Variants in TIMM9 observed in about 807,000 individuals in gnomAD.
The protein encoded by TIMM9 is mitochondrial import inner membrane translocase subunit Tim9.
TIMM9 carries 10 observed loss-of-function variants against 13.4 expected under a neutral mutation model. The ratio of observed to expected loss-of-function variants is 0.75; its 90% confidence interval spans 0.46 to 1.26. The LOEUF is 1.26. Among genes scored for constraint, TIMM9 ranks in the 50% most tolerant of loss-of-function variants. The pLI, the probability that TIMM9 is intolerant of heterozygous loss-of-function variation, is 0.00. For synonymous variants in TIMM9, 32 were observed against 32.1 expected, an observed-to-expected ratio of 1.00 and a Z score of 0.01; for missense variants, 87 against 100.8, an observed-to-expected ratio of 0.86 and a Z score of 0.58.
chr14:58,409,755 T>G (rs2036151622), intron 5 of TIMM9, among the ~76,000 whole-genome samples: 1 of 151,930 alleles, frequency 6.6e-6, no homozygotes, highest in Admixed American at 6.6e-5. Flanking sequence ...ATTTTTTGTA[T>G]TTTTAGTAGA....
Position 58,417,555 on chromosome 14 carries a change from AGAGGGAAAGGAGCGTGGGAGG to A in TIMM9, c.-26-5605_-26-5585del, listed in dbSNP as rs1412775861. Among the ~76,000 whole-genome samples, 93 of 114,908 alleles carry A rather than the reference AGAGGGAAAGGAGCGTGGGAGG, an allele frequency of 8.1e-4. 2 individuals are homozygous for A. In the East Asian group the frequency reaches 0.016, roughly 20 times the overall value. The allele number at this position is 114,908 out of a possible 152,430, so 75.4% of individuals were successfully genotyped here. ...TAAGGAAGGAAGAAAGGGGAGGGAGAGAGGGAAAGGAGCGTGGGAGGGAGGGAAAGGAGCGTGGGAGGGAGG... is the reference window on the plus strand; with the variant it reads ...TAAGGAAGGAAGAAAGGGGAGGGAGAGAGGGAAAGGAGCGTGGGAGGGAGG... On this transcript the variant is annotated intron_variant, in intron 3 of 5. Coordinates refer to ENST00000395159, the MANE Select transcript of TIMM9 (RefSeq NM_012460.4).
At chr14:58,421,719 A>G (rs181200967) in intron 3 of TIMM9, among the ~76,000 whole-genome samples, 176 of 152,348 alleles carry the variant, frequency 1.2e-3, no homozygotes, top group African/African-American at 4.0e-3. Context: ...GTCTGAAAAG[A>G]TCTAAGAACT....
At chr14:58,410,423 A>T (rs994289714) in intron 5 of TIMM9, among the ~76,000 whole-genome samples, 3 of 152,148 alleles carry the variant, frequency 2.0e-5, no homozygotes, top group African/African-American at 7.2e-5. Context: ...GTCTTAAAAA[A>T]ATAGTTAAGA....
intron 3 of TIMM9, among the ~76,000 whole-genome samples, chr14:58,412,901 AAATAAT>A (rs1010906134): frequency 6.6e-6 from 1 of 151,874 alleles, no homozygotes; most frequent in East Asian, 1.9e-4. Context: ...ACTCCATCTC[AAATAAT>A]AATAATAATA....
At chr14:58,412,085 G>A in intron 3 of TIMM9, 114 bp from the exon 4 acceptor site, 4 of 699,732 alleles carry the variant, frequency 5.7e-6, no homozygotes, top group Non-Finnish European at 9.8e-6. Context: ...GTAATTGTAT[G>A]CCACCACCCC....
At position 58,427,410 on chromosome 14, in the gene TIMM9, C is replaced by A. The variant is rs2140363579; in HGVS notation, c.-322G>T. ...AATTTACCTAATCCCACGTCCCTAA[C>A]GGTCTTCGGAAGCGAAGCAGTGTCA... On this transcript the variant is annotated 5_prime_UTR_variant, in exon 1 of 6. Coordinates refer to ENST00000395159, the MANE Select transcript of TIMM9 (RefSeq NM_012460.4). 1.8e-6 allele frequency: 1 copy of A among 569,566 alleles called. No individual in the cohort carries two copies. The highest frequency in any genetic ancestry group is 3.1e-5 in the Admixed American group (1 of 32,142). 35.3% of individuals were successfully genotyped at this position (569,566 alleles called of 1,614,324 possible). A position where few individuals can be genotyped will look rare whatever the true frequency, so the allele number is the denominator to read the frequency against.
At chr14:58,426,095 C>A (rs1011380651) in intron 2 of TIMM9, among the ~76,000 whole-genome samples, 2 of 151,744 alleles carry the variant, frequency 1.3e-5, no homozygotes, top group Non-Finnish European at 2.9e-5. Flanking sequence ...CCAGCCTGTG[C>A]CACAGAGTGA....
At chr14:58,410,648 T>C (rs1277123334) in intron 5 of TIMM9, among the ~76,000 whole-genome samples, 195 bp downstream of exon 5, 2 of 152,230 alleles carry the variant, frequency 1.3e-5, no homozygotes, top group African/African-American at 2.4e-5. Context: ...CTTGGTACAA[T>C]GTAACTGTCA....
intron 3 of TIMM9, among the ~76,000 whole-genome samples, chr14:58,417,431 T>C (rs117927646): frequency 0.051 from 7,251 of 141,888 alleles, 254 homozygotes; most frequent in South Asian, 0.11. Flanking sequence ...AGCCAAGGAG[T>C]TTAAGGCTGC....
chr14:58,408,615 A>C lies in TIMM9; in HGVS notation c.*419T>G, dbSNP rs1236520128. 6.3e-7 allele frequency: 1 copy of C among 1,596,622 alleles called. No homozygotes were observed. Among genetic ancestry groups the C allele is most frequent in the Admixed American group, 1.7e-5 (1 of 59,650 alleles). ...TTCAACGTATCCACAGTCCAGTGAG[A>C]ATACTATGGTACCATACAGTATAAA... is the stretch of plus-strand genomic sequence containing the variant. On this transcript the variant is annotated 3_prime_UTR_variant, in exon 6 of 6. Coordinates refer to ENST00000395159, the MANE Select transcript of TIMM9 (RefSeq NM_012460.4).
At chr14:58,410,615 G>A (rs1221910068) in intron 5 of TIMM9, among the ~76,000 whole-genome samples, 1 of 152,164 alleles carries the variant, frequency 6.6e-6, no homozygotes, top group Non-Finnish European at 1.5e-5. Flanking sequence ...GCAGCTGCAG[G>A]CATCTTCTCT....
chr14:58,411,134 G>C (rs552948710), intron 4 of TIMM9, among the ~76,000 whole-genome samples, 196 bp from the exon 5 acceptor site: 1 of 152,048 alleles, frequency 6.6e-6, no homozygotes, highest in Non-Finnish European at 1.5e-5. Flanking sequence ...ATTTTTCCTT[G>C]ATTATCAGTC....
At chr14:58,409,542 C>T (rs1207158940) in intron 5 of TIMM9, among the ~76,000 whole-genome samples, 1 of 152,034 alleles carries the variant, frequency 6.6e-6, no homozygotes, top group Non-Finnish European at 1.5e-5. Flanking sequence ...AAACAACATT[C>T]TTAATTCTCA....
At chr14:58,414,423 C>G (rs2036327172) in intron 3 of TIMM9, among the ~76,000 whole-genome samples, 1 of 152,028 alleles carries the variant, frequency 6.6e-6, no homozygotes, top group Admixed American at 6.6e-5. Flanking sequence ...TACTTTCCTC[C>G]TTTTTTCTTA....
chr14:58,423,845 G>C (rs1305529650), intron 3 of TIMM9, 163 bp downstream of exon 3: 1 of 152,182 alleles, frequency 6.6e-6, no homozygotes, highest in Non-Finnish European at 1.5e-5. Flanking sequence ...TTATATCCCT[G>C]AAACCTGGAG....
intron 3 of TIMM9, among the ~76,000 whole-genome samples, chr14:58,414,625 C>G (rs1197889525): frequency 1.3e-5 from 2 of 151,012 alleles, no homozygotes; most frequent in African/African-American, 2.4e-5. Context: ...GTAATCCCAG[C>G]TACTCAGGAG....
At chr14:58,422,148 T>C (rs1013437611) in intron 3 of TIMM9, among the ~76,000 whole-genome samples, 1 of 149,214 alleles carries the variant, frequency 6.7e-6, no homozygotes, top group Non-Finnish European at 1.5e-5. Context: ...GAGTTTTCGC[T>C]CTTGTTGCCC....
In TIMM9 at chr14:58,424,017, T is replaced by C. The variant is rs1294202402; in HGVS notation, c.-36A>G. On this transcript the variant is annotated 5_prime_UTR_variant, in exon 3 of 6. Transcript: ENST00000395159. ...GTCATCAAGCTCTAACCTTTTCTGA[T>C]GCATGAGTTTCCTTTCTGTTCTGGA... 6.6e-6 allele frequency: 1 copy of C among 152,232 alleles called. No individual in the cohort carries two copies. Among genetic ancestry groups the C allele is most frequent in the Non-Finnish European group, 1.5e-5 (1 of 68,026 alleles). 9.4% of individuals were successfully genotyped at this position (152,232 alleles called of 1,614,324 possible). A position where few individuals can be genotyped will look rare whatever the true frequency, so the allele number is the denominator to read the frequency against.
At chr14:58,410,058 A>ATGAG (rs1283584386) in intron 5 of TIMM9, among the ~76,000 whole-genome samples, 1 of 151,216 alleles carries the variant, frequency 6.6e-6, no homozygotes, top group Non-Finnish European at 1.5e-5. Flanking sequence ...TTTAGTAGAG[A>ATGAG]TGAGGGCTGG....
Sources: allele counts gnomAD v4.1 joint callset (sites outside exome capture counted in the v4.1 genomes callset), GRCh38; gene constraint gnomAD v4.1.1; transcripts MANE v1.5; gene names NCBI Gene and HGNC (gene_info 2026-07-23, HGNC 2026-07-21).